The following IL1RAPL2 variants were observed in gnomAD, a reference collection of about 807,000 sequenced individuals.
IL1RAPL2 encodes the protein X-linked interleukin-1 receptor accessory protein-like 2.
In IL1RAPL2, 3 loss-of-function variants were observed where a neutral mutation model predicts 44.1. The ratio of observed to expected loss-of-function variants is 0.07; its 90% CI spans 0.03 to 0.18. The LOEUF (loss-of-function observed/expected upper bound fraction) is 0.18. IL1RAPL2 is among the 10% of genes least tolerant of loss of function. The pLI is 1.00. For missense variants in IL1RAPL2, 391 were observed against 496.4 expected (o/e 0.79, Z 2.02); for synonymous variants, 181 against 178.8 (o/e 1.01, Z -0.10).
chrX:105,094,627 A>G lies in IL1RAPL2; in HGVS notation c.83-100848A>G, dbSNP rs777357366. On this transcript the variant is annotated intron_variant, in intron 2 of 10. Transcript: ENST00000372582. ...GTGAAATCAAGAAGTATGATACTGC[A>G]AATTTTGTTCTTTTTTTCAGATTGT... Among the ~76,000 whole-genome samples the G allele has an allele frequency of 2.7e-5, 3 of 111,363 alleles. No individual in the cohort carries two copies. In the South Asian group the frequency reaches 1.1e-3, roughly 42 times the overall value.
At chrX:105,025,378 T>G (rs1725893001) in intron 2 of IL1RAPL2, among the ~76,000 whole-genome samples, 1 of 111,564 alleles carries the variant, frequency 9.0e-6, no homozygotes, top group African/African-American at 3.2e-5. Context: ...GCCCTCTAAA[T>G]AATTAGACTG....
chrX:105,041,740 T>G (rs1305569551), intron 2 of IL1RAPL2, among the ~76,000 whole-genome samples: 2 of 108,156 alleles, frequency 1.8e-5, no homozygotes, highest in African/African-American at 3.4e-5. Flanking sequence ...AAAGTTCATA[T>G]GGAACCAAAA....
chrX:104,879,117 G>A (rs1402963065), intron 2 of IL1RAPL2, among the ~76,000 whole-genome samples: 1 of 109,973 alleles, frequency 9.1e-6, no homozygotes, highest in Non-Finnish European at 1.9e-5. Context: ...GCTCTGGTTT[G>A]ATTTTAGACT....
chrX:105,222,607 CA>C (rs782561435), intron 3 of IL1RAPL2, among the ~76,000 whole-genome samples: 22 of 111,566 alleles, frequency 2.0e-4, no homozygotes, highest in Non-Finnish European at 4.0e-4. Context: ...CAGGAAGACC[CA>C]TTAGGGAGAT....
chrX:104,645,955 C>T (rs1033857643), intron 1 of IL1RAPL2, among the ~76,000 whole-genome samples: 3 of 112,039 alleles, frequency 2.7e-5, no homozygotes, highest in African/African-American at 9.7e-5. Context: ...ATGATTCATA[C>T]CAAATTGGTC....
At chrX:105,634,291 G>A (rs1187082535) in intron 6 of IL1RAPL2, among the ~76,000 whole-genome samples, 1 of 110,849 alleles carries the variant, frequency 9.0e-6, no homozygotes. Context: ...TTAACTCTAA[G>A]ACTAAGCCCC....
chrX:104,949,361 A>G (rs1437833363), intron 2 of IL1RAPL2, among the ~76,000 whole-genome samples: 1 of 111,130 alleles, frequency 9.0e-6, no homozygotes, highest in African/African-American at 3.3e-5. Flanking sequence ...GATCCTTTCA[A>G]AAAACCAGCT....
At chrX:104,763,148 A>G (rs920883182) in intron 2 of IL1RAPL2, among the ~76,000 whole-genome samples, 1 of 111,743 alleles carries the variant, frequency 8.9e-6, no homozygotes, top group African/African-American at 3.3e-5. Flanking sequence ...ACCCTAAATC[A>G]TCTCTCTCAA....
At chrX:105,087,003 T>TA (rs1398708767) in intron 2 of IL1RAPL2, among the ~76,000 whole-genome samples, 16 of 110,034 alleles carry the variant, frequency 1.5e-4, no homozygotes, top group South Asian at 3.9e-4. Flanking sequence ...AACAGATTTT[T>TA]AAAAAAACCC....
intron 2 of IL1RAPL2, among the ~76,000 whole-genome samples, chrX:104,973,126 T>G (rs2147722140): frequency 8.9e-6 from 1 of 111,966 alleles, no homozygotes; most frequent in Admixed American, 9.5e-5. Flanking sequence ...AGGCAATAAT[T>G]TATTTCCATA....
chrX:104,692,598 G>T (rs1217099704), intron 2 of IL1RAPL2, among the ~76,000 whole-genome samples: 8 of 109,486 alleles, frequency 7.3e-5, no homozygotes, highest in African/African-American at 2.3e-4. Context: ...GAGAATATGC[G>T]GGTTTCTGTC....
At chrX:104,826,866 G>A (rs1921463544) in intron 2 of IL1RAPL2, among the ~76,000 whole-genome samples, 1 of 107,033 alleles carries the variant, frequency 9.3e-6, no homozygotes, top group African/African-American at 3.4e-5. Flanking sequence ...ATTATGGAAT[G>A]CCTTTCTTTG....
chrX:104,621,208 G>A (rs944407459), intron 1 of IL1RAPL2, among the ~76,000 whole-genome samples: 1 of 105,180 alleles, frequency 9.5e-6, no homozygotes, highest in African/African-American at 3.4e-5. Context: ...TCACATCAAG[G>A]TCTAATTAGA....
At chrX:105,598,096 A>G (rs1278757021) in intron 6 of IL1RAPL2, among the ~76,000 whole-genome samples, 3 of 111,346 alleles carry the variant, frequency 2.7e-5, no homozygotes, top group Non-Finnish European at 5.6e-5. Flanking sequence ...ATAAATATAT[A>G]GATATGGAGA....
intron 4 of IL1RAPL2, among the ~76,000 whole-genome samples, chrX:105,259,082 T>C (rs947064580): frequency 9.0e-6 from 1 of 111,187 alleles, no homozygotes. Context: ...GCAGTGTAGA[T>C]TGAGTACAGT....
intron 2 of IL1RAPL2, among the ~76,000 whole-genome samples, chrX:104,686,724 G>A (rs1446979112): frequency 1.8e-5 from 2 of 112,114 alleles, no homozygotes; most frequent in East Asian, 2.8e-4. Context: ...CCCTGTTGGT[G>A]AACATAAATA....
intron 2 of IL1RAPL2, among the ~76,000 whole-genome samples, chrX:104,805,691 G>A (rs1932917567): frequency 8.9e-6 from 1 of 112,014 alleles, no homozygotes; most frequent in Admixed American, 9.5e-5. Flanking sequence ...TTCCATAATT[G>A]CTGTTGATAA....
chrX:105,758,037 G>A (rs1161272950), intron 10 of IL1RAPL2, among the ~76,000 whole-genome samples: 1 of 111,248 alleles, frequency 9.0e-6, no homozygotes, highest in Non-Finnish European at 1.9e-5. Context: ...CATTGGTACA[G>A]ATTTAACAGC....
intron 2 of IL1RAPL2, among the ~76,000 whole-genome samples, chrX:104,743,172 ACT>A (rs1932121801): frequency 9.1e-6 from 1 of 110,054 alleles, no homozygotes; most frequent in South Asian, 3.8e-4. Flanking sequence ...GTGTGTGTTT[ACT>A]CTCTTTACTC....
Sources: gnomAD v4.1 joint callset for allele counts (sites outside exome capture counted in the v4.1 genomes callset) on GRCh38, gnomAD v4.1.1 for gene constraint, MANE v1.5 for transcripts, NCBI Gene and HGNC (gene_info 2026-07-23, HGNC 2026-07-21) for gene names.